CASC3: variants seen among roughly 807,000 people sequenced by gnomAD.
The protein encoded by CASC3 is protein CASC3.
Under a neutral mutation model 80.5 loss-of-function variants are expected in CASC3, and 30 were observed. The observed-to-expected ratio is 0.37, with a 90% CI of 0.28 to 0.51. CASC3 has a LOEUF of 0.51. Among genes scored for constraint, CASC3 ranks in the 20% least tolerant of loss-of-function variants. CASC3 has a pLI of 0.94. For synonymous variants in CASC3, 312 were observed against 333.6 expected, an observed-to-expected ratio of 0.94 and a Z score of 0.70; for missense variants, 824 against 922.2, an observed-to-expected ratio of 0.89 and a Z score of 1.38.
intron 1 of CASC3, 157 bp downstream of exon 1, chr17:40,140,936 T>C (rs970675644): frequency 3.0e-6 from 2 of 658,374 alleles, no homozygotes; most frequent in African/African-American, 3.7e-5. Flanking sequence ...CGAGTTTGCA[T>C]CCGGAGTTCC....
intron 3 of CASC3, among the ~76,000 whole-genome samples, chr17:40,161,215 G>C (rs1255854367): frequency 6.6e-6 from 1 of 152,044 alleles, no homozygotes; most frequent in African/African-American, 2.4e-5. Flanking sequence ...CCTGACCGCA[G>C]GTGATCTGCC....
Position 40,164,090 on chromosome 17 carries a change from T to C in CASC3, c.1395T>C (p.Asp465=). ...CTAGTACAAGTGGACTTGAGCAAGA[T>C]GTGGCACAACTAAATATAGCAGAAC... ...VDSSTSGLEQ[D]VAQLNIAEQN... is the part of the protein sequence containing the mutation. The change falls in exon 7 of 14, where the codon GAT becomes GAC. Residue 465 remains aspartate, a synonymous_variant. Coordinates refer to ENST00000264645, the MANE Select transcript of CASC3 (RefSeq NM_007359.5). 9 of 1,613,766 alleles carry C rather than the reference T, an allele frequency of 5.6e-6. No individual in the cohort carries two copies. Among genetic ancestry groups the C allele is most frequent in the Non-Finnish European group, 7.6e-6 (9 of 1,180,020 alleles).
intron 2 of CASC3, 140 bp from the exon 3 acceptor site, chr17:40,141,430 T>C: frequency 1.2e-6 from 1 of 858,400 alleles, no homozygotes; most frequent in Non-Finnish European, 1.9e-6. Flanking sequence ...CTGTTTCTCC[T>C]TTTGTAAGTG....
chr17:40,149,835 C>G (rs1339851146), intron 3 of CASC3, among the ~76,000 whole-genome samples: 1 of 151,816 alleles, frequency 6.6e-6, no homozygotes, highest in African/African-American at 2.4e-5. Flanking sequence ...GAAACCCCGT[C>G]TCTACTAAAA....
chr17:40,172,121 T>C lies in CASC3; in HGVS notation c.*1716T>C. The C allele has an allele frequency of 2.3e-6, 3 of 1,289,946 alleles. No individual in the cohort carries two copies. The highest frequency in any genetic ancestry group is 3.0e-6 in the Non-Finnish European group (3 of 988,862). The allele number at this position is 1,289,946 out of a possible 1,614,324, so 79.9% of individuals were successfully genotyped here. A position where few individuals can be genotyped will look rare whatever the true frequency, so the allele number is the denominator to read the frequency against. On this transcript the variant is annotated 3_prime_UTR_variant, in exon 14 of 14. Coordinates refer to ENST00000264645, the MANE Select transcript of CASC3 (RefSeq NM_007359.5). ...TGTTACTGTTTTAAAGGGTGCCCAT[T>C]TGTGATCAGCATTGTGACTTGGAGA...
In CASC3 at chr17:40,163,472, T is replaced by G. The variant is rs563815892; in HGVS notation, c.786-9T>G. 3 of 1,595,690 alleles carry G rather than the reference T, an allele frequency of 1.9e-6. No individual in the cohort carries two copies. The highest frequency in any genetic ancestry group is 4.5e-5 in the East Asian group (2 of 44,760). ...TTTCCTAACAGTTTCTTCATTCCAT[T>G]TTTTGTAGATATGGGAGTCCTCCAC... is the stretch of plus-strand genomic sequence containing the variant. On this transcript the variant is annotated splice_polypyrimidine_tract_variant and intron_variant, in intron 6 of 13. Transcript: ENST00000264645.
chr17:40,156,613 C>T (rs1032139983), intron 3 of CASC3, among the ~76,000 whole-genome samples: 4 of 151,726 alleles, frequency 2.6e-5, no homozygotes, highest in Non-Finnish European at 4.4e-5. Flanking sequence ...GGCATGAACC[C>T]GGGAGGCGGA....
At chr17:40,141,033 T>G (rs1350031610) in intron 1 of CASC3, 174 bp from the exon 2 acceptor site, 8 of 672,674 alleles carry the variant, frequency 1.2e-5, no homozygotes, top group Non-Finnish European at 1.8e-5. Context: ...AAGTCGGGGC[T>G]GGAGGGAAGG....
Position 40,171,825 on chromosome 17 carries a change from C to T in CASC3, c.*1420C>T. 8.5e-7 allele frequency: 1 copy of T among 1,181,096 alleles called. No homozygotes were observed. The highest frequency in any genetic ancestry group is 1.1e-6 in the Non-Finnish European group (1 of 937,916). The allele number at this position is 1,181,096 out of a possible 1,614,324, so 73.2% of individuals were successfully genotyped here. A position where few individuals can be genotyped will look rare whatever the true frequency, so the allele number is the denominator to read the frequency against. On this transcript the variant is annotated 3_prime_UTR_variant, in exon 14 of 14. Transcript: ENST00000264645. Reference sequence around the variant, plus strand: ...TTATTCCTTCCATCTAGCAGCTGGCCTAATCACTCTGAGTCACAGGTGTGG... The same window carrying T: ...TTATTCCTTCCATCTAGCAGCTGGCTTAATCACTCTGAGTCACAGGTGTGG...
intron 5 of CASC3, among the ~76,000 whole-genome samples, chr17:40,162,407 A>G (rs113202672): frequency 6.6e-6 from 1 of 152,196 alleles, no homozygotes; most frequent in Non-Finnish European, 1.5e-5. Context: ...TCTTAGTCTG[A>G]GGTGTAAGGC....
chr17:40,171,079 G>A lies in CASC3; in HGVS notation c.*674G>A, dbSNP rs1989582063. 3.1e-5 allele frequency: 31 copies of A among 985,592 alleles called. No individual in the cohort carries two copies. The highest frequency in any genetic ancestry group is 2.8e-4 in the South Asian group (6 of 21,286). The allele number at this position is 985,592 out of a possible 1,614,324, so 61.1% of individuals were successfully genotyped here. On this transcript the variant is annotated 3_prime_UTR_variant, in exon 14 of 14. Coordinates refer to ENST00000264645, the MANE Select transcript of CASC3 (RefSeq NM_007359.5). ...CTTAACTCTAACCCTGTGGAAGCATGGCTGTCTGCACAGAGGGTCCCATTG... is the reference window on the plus strand; with the variant it reads ...CTTAACTCTAACCCTGTGGAAGCATAGCTGTCTGCACAGAGGGTCCCATTG...
rs139852505 is a variant in CASC3 at position 40,145,384 on chromosome 17, G to C, written c.297+3777G>C. On this transcript the variant is annotated intron_variant, in intron 3 of 13. Transcript: ENST00000264645. Reference sequence around the variant, plus strand: ...AGACGGGGTTCCACCATGTTGGCCAGGATGGTCTCCATCTCTTGACGTCGT... The same window carrying C: ...AGACGGGGTTCCACCATGTTGGCCACGATGGTCTCCATCTCTTGACGTCGT... Among the ~76,000 whole-genome samples, 1,024 of 150,252 alleles carry C rather than the reference G, an allele frequency of 6.8e-3. 17 individuals are homozygous for C. The highest frequency in any genetic ancestry group is 0.024 in the African/African-American group (991 of 40,806).
At chr17:40,155,852 G>A (rs564534955) in intron 3 of CASC3, among the ~76,000 whole-genome samples, 1 of 152,310 alleles carries the variant, frequency 6.6e-6, no homozygotes, top group African/African-American at 2.4e-5. Flanking sequence ...CTTTGCCAAA[G>A]CAGTGTGACC....
At position 40,163,716 on chromosome 17, in the gene CASC3, G is replaced by A; in HGVS notation, c.1021G>A (p.Glu341Lys). 1 of 1,614,164 alleles carries A rather than the reference G, an allele frequency of 6.2e-7. No individual in the cohort carries two copies. The highest frequency in any genetic ancestry group is 8.5e-7 in the Non-Finnish European group (1 of 1,180,024). The change falls in exon 7 of 14, where the codon GAG (glutamate) becomes AAG (lysine). Residue 341 changes from glutamate to lysine, a missense_variant. By Grantham distance (56) the Glu-to-Lys change is moderately conservative. Coordinates refer to ENST00000264645, the MANE Select transcript of CASC3 (RefSeq NM_007359.5). Reference sequence around the variant, plus strand: ...TGGGCAGCATGGTGGCCGGTCTGGTGAGACTGTTAAGCATGAGATTAGTTA... The same window carrying A: ...TGGGCAGCATGGTGGCCGGTCTGGTAAGACTGTTAAGCATGAGATTAGTTA... Reference protein sequence around the residue: ...AGGQHGGRSGETVKHEISYRS... With the variant: ...AGGQHGGRSGKTVKHEISYRS...
rs578065242 is a variant in CASC3, at chr17:40,146,785, T to G, written c.297+5178T>G. On this transcript the variant is annotated intron_variant, in intron 3 of 13. Coordinates refer to ENST00000264645, the MANE Select transcript of CASC3 (RefSeq NM_007359.5). ...ATTTTTAATAGAGATGAGGTCACTC[T>G]GTGTTGCCCAGGCTGATCTTGAACT... is the stretch of plus-strand genomic sequence containing the variant. Among the ~76,000 whole-genome samples the G allele has an allele frequency of 4.6e-5, 7 of 152,086 alleles. No individual in the cohort carries two copies. In the East Asian group the frequency reaches 1.4e-3, roughly 29 times the overall value.
chr17:40,151,336 C>G (rs577100422), intron 3 of CASC3, among the ~76,000 whole-genome samples: 1 of 152,148 alleles, frequency 6.6e-6, no homozygotes, highest in East Asian at 1.9e-4. Context: ...GTCAGCCTCC[C>G]GGATAGCTGA....
chr17:40,140,986 A>G, intron 1 of CASC3: 1 of 635,868 alleles, frequency 1.6e-6, no homozygotes, highest in Non-Finnish European at 2.7e-6. Flanking sequence ...GGAGGATGGT[A>G]GAGCCGCTGG....
At chr17:40,154,499 G>GC (rs1989096603) in intron 3 of CASC3, among the ~76,000 whole-genome samples, 1 of 151,744 alleles carries the variant, frequency 6.6e-6, no homozygotes, top group South Asian at 2.1e-4. Context: ...CTCCCAAAGT[G>GC]CTGGGATTAC....
At chr17:40,168,521 T>G in intron 11 of CASC3, 104 bp downstream of exon 11, 1 of 1,015,502 alleles carries the variant, frequency 9.8e-7, no homozygotes, top group Non-Finnish European at 1.5e-6. Context: ...ACATTTTCAG[T>G]GCCACTGATT....
Sources: allele counts gnomAD v4.1 joint callset (sites outside exome capture counted in the v4.1 genomes callset), GRCh38; gene constraint gnomAD v4.1.1; transcripts MANE v1.5; gene names NCBI Gene and HGNC (gene_info 2026-07-23, HGNC 2026-07-21).